Variants in CDK17 observed in about 807,000 individuals in gnomAD.
The protein encoded by CDK17 is cyclin-dependent kinase 17.
Under a neutral mutation model 77.6 loss-of-function variants are expected in CDK17, and 24 were observed. That is an observed-to-expected ratio of 0.31 (90% CI 0.22 to 0.44). The LOEUF is 0.44. Among genes scored for constraint, CDK17 ranks in the 20% least tolerant of loss-of-function variants. The probability of loss-of-function intolerance (pLI) is 1.00; values close to 1 mark genes in which losing one functional copy is unlikely to be tolerated. For synonymous variants in CDK17, 203 were observed against 210.4 expected (o/e 0.96, Z 0.30); for missense variants, 429 against 622.5 (o/e 0.69, Z 3.31).
intron 1 of CDK17, among the ~76,000 whole-genome samples, chr12:96,359,077 G>A (rs1953454325): frequency 6.6e-6 from 1 of 150,790 alleles, no homozygotes; most frequent in Non-Finnish European, 1.5e-5. Flanking sequence ...TTTGTAAGAT[G>A]TATCACTCCA....
intron 1 of CDK17, among the ~76,000 whole-genome samples, chr12:96,353,974 A>G (rs1241942312): frequency 1.3e-5 from 2 of 152,296 alleles, no homozygotes; most frequent in East Asian, 3.9e-4. Context: ...AACTGAAGCC[A>G]GAAAGGGTAT....
At chr12:96,397,436 A>G (rs1954190523) in intron 1 of CDK17, among the ~76,000 whole-genome samples, 2 of 152,268 alleles carry the variant, frequency 1.3e-5, no homozygotes, top group Admixed American at 6.5e-5. Flanking sequence ...TAACCAGAGT[A>G]CATATGACAG....
rs1952451028 is a variant in CDK17, at chr12:96,298,719, TTGAG to T, written c.715+146_715+149del. 7.5e-6 allele frequency: 4 copies of T among 533,046 alleles called. No homozygotes were observed. The South Asian group carries it at 1.2e-4, about 16-fold the overall frequency. The allele number at this position is 533,046 out of a possible 1,614,324, so 33.0% of individuals were successfully genotyped here. ...TTATACACTAATATAATTAATCCCTTTGAGTATTTGTTTTAGAAATTTGCTTTTT... is the reference window on the plus strand; with the variant it reads ...TTATACACTAATATAATTAATCCCTTTATTTGTTTTAGAAATTTGCTTTTT... On this transcript the variant is annotated intron_variant, in intron 7 of 16. Coordinates refer to ENST00000261211, the MANE Select transcript of CDK17 (RefSeq NM_002595.5).
intron 5 of CDK17, among the ~76,000 whole-genome samples, chr12:96,301,241 C>CAAAAAAAAAAAAAAAAA (rs376295045): frequency 1.2e-5 from 1 of 85,578 alleles, no homozygotes; most frequent in Non-Finnish European, 2.3e-5. Context: ...AACACTCGGC[C>CAAAAAAAAAAAAAAAAA]AAAAAAAAAA....
At chr12:96,315,591 G>A (rs1294523652) in intron 3 of CDK17, among the ~76,000 whole-genome samples, 1 of 152,168 alleles carries the variant, frequency 6.6e-6, no homozygotes, top group Non-Finnish European at 1.5e-5. Context: ...TTTAATCATG[G>A]CTTCCATTTC....
intron 1 of CDK17, among the ~76,000 whole-genome samples, chr12:96,386,567 A>C (rs1335828285): frequency 6.6e-6 from 1 of 152,078 alleles, no homozygotes; most frequent in Non-Finnish European, 1.5e-5. Flanking sequence ...CTTAAGTGGG[A>C]GGATCTCTCG....
chr12:96,336,098 C>T (rs1953037108), intron 1 of CDK17, among the ~76,000 whole-genome samples: 1 of 151,950 alleles, frequency 6.6e-6, no homozygotes, highest in Non-Finnish European at 1.5e-5. Flanking sequence ...TGCTTAAAAG[C>T]TGGGGGGGGA....
chr12:96,331,001 C>CAGGG lies in CDK17; in HGVS notation c.118+3714_118+3717dup, dbSNP rs1952958905. On this transcript the variant is annotated intron_variant, in intron 2 of 16. Coordinates refer to ENST00000261211, the MANE Select transcript of CDK17 (RefSeq NM_002595.5). ...TAGCTCTGTTACCCAGGCTGGAATG[C>CAGGG]AGGGGTGCCATCTCGGCTCACTGCA... Among the ~76,000 whole-genome samples, 6 of 152,334 alleles carry CAGGG rather than the reference C, an allele frequency of 3.9e-5. No individual in the cohort carries two copies. The South Asian group carries it at 1.2e-3, about 32-fold the overall frequency.
chr12:96,294,611 A>AAAAAAAAAAAAAAAAAAAAAAAAAAAAAT (rs71097274), intron 10 of CDK17, among the ~76,000 whole-genome samples: 1 of 121,254 alleles, frequency 8.2e-6, no homozygotes, highest in Non-Finnish European at 1.7e-5. Context: ...AAAAAAAAAA[A>AAAAAAAAAAAAAAAAAAAAAAAAAAAAAT]GATATATTTT....
chr12:96,335,048 TTTA>T (rs1445386900), intron 1 of CDK17, 183 bp from the exon 2 acceptor site: 1 of 649,494 alleles, frequency 1.5e-6, no homozygotes, highest in African/African-American at 1.8e-5. Context: ...TAATGCTGTA[TTTA>T]TTTGGCATCA....
chr12:96,363,166 C>A (rs1322147056), intron 1 of CDK17, among the ~76,000 whole-genome samples: 1 of 151,774 alleles, frequency 6.6e-6, no homozygotes, highest in East Asian at 1.9e-4. Context: ...ATTAGAACCC[C>A]CTGGCCAGGC....
At chr12:96,362,188 A>T (rs773128313) in intron 1 of CDK17, among the ~76,000 whole-genome samples, 11 of 152,148 alleles carry the variant, frequency 7.2e-5, no homozygotes, top group Non-Finnish European at 1.3e-4. Context: ...TAATAAGATG[A>T]TAAGAACATA....
intron 10 of CDK17, among the ~76,000 whole-genome samples, chr12:96,294,363 G>A (rs1405343194): frequency 2.0e-5 from 3 of 151,660 alleles, no homozygotes; most frequent in Admixed American, 6.6e-5. Flanking sequence ...AGGCCGAGGC[G>A]AGTGGACCAC....
At chr12:96,287,403 C>G (rs971695412) in intron 11 of CDK17, among the ~76,000 whole-genome samples, 1 of 151,774 alleles carries the variant, frequency 6.6e-6, no homozygotes, top group Non-Finnish European at 1.5e-5. Flanking sequence ...TTAAAGGGCT[C>G]GTAATCTAGC....
intron 10 of CDK17, among the ~76,000 whole-genome samples, chr12:96,294,303 A>G (rs1952368215): frequency 6.6e-6 from 1 of 152,190 alleles, no homozygotes; most frequent in Admixed American, 6.5e-5. Context: ...TAAAGAATAC[A>G]ATGACGGCCT....
At chr12:96,320,079 A>G (rs1445305115) in intron 3 of CDK17, among the ~76,000 whole-genome samples, 3 of 152,212 alleles carry the variant, frequency 2.0e-5, no homozygotes, top group Non-Finnish European at 2.9e-5. Flanking sequence ...CCTTAAGCTG[A>G]TAAGCAACTT....
chr12:96,355,400 T>A (rs1953378420), intron 1 of CDK17, among the ~76,000 whole-genome samples: 3 of 25,826 alleles, frequency 1.2e-4, no homozygotes, highest in Admixed American at 1.1e-3. Flanking sequence ...TACATTGGGT[T>A]TTTTTTTTTT....
At chr12:96,298,717 C>T in intron 7 of CDK17, 152 bp downstream of exon 7, 1 of 526,892 alleles carries the variant, frequency 1.9e-6, no homozygotes, top group Non-Finnish European at 3.3e-6. Flanking sequence ...TAATTAATCC[C>T]TTTGAGTATT....
chr12:96,341,035 C>T (rs918260415), intron 1 of CDK17, among the ~76,000 whole-genome samples: 14 of 152,116 alleles, frequency 9.2e-5, no homozygotes, highest in Non-Finnish European at 1.6e-4. Context: ...TTGATCCCCT[C>T]TTTGTGTCCA....
Sources: gnomAD v4.1 joint callset for allele counts (sites outside exome capture counted in the v4.1 genomes callset) on GRCh38, gnomAD v4.1.1 for gene constraint, MANE v1.5 for transcripts, NCBI Gene and HGNC (gene_info 2026-07-23, HGNC 2026-07-21) for gene names.